ITGB1: variants seen among roughly 807,000 people sequenced by gnomAD.
ITGB1 encodes integrin beta-1.
In ITGB1, 24 loss-of-function variants were observed where a neutral mutation model predicts 86.5. The ratio of observed to expected loss-of-function variants is 0.28; its 90% CI spans 0.20 to 0.39. The LOEUF is 0.39. Among genes scored for constraint, ITGB1 ranks in the 10% least tolerant of loss-of-function variants. The pLI is 1.00. For missense variants in ITGB1, 556 were observed against 946.9 expected, an observed-to-expected ratio of 0.59 and a Z score of 5.42; for synonymous variants, 323 against 316.8, an observed-to-expected ratio of 1.02 and a Z score of -0.21.
intron 15 of ITGB1, among the ~76,000 whole-genome samples, chr10:32,907,963 A>G (rs1051266484): frequency 6.6e-6 from 1 of 152,228 alleles, no homozygotes; most frequent in African/African-American, 2.4e-5. Context: ...AGCTTGGTAT[A>G]TAACCTTTTG....
At chr10:32,952,210 A>C (rs1187070) in intron 1 of ITGB1, among the ~76,000 whole-genome samples, 108,192 of 151,966 alleles carry the variant, frequency 0.71, 40,746 homozygotes, top group South Asian at 0.83. Flanking sequence ...CAGCAAATAT[A>C]TTTCTAGGTG....
chr10:32,911,923 A>G lies in ITGB1; in HGVS notation c.1671T>C (p.Asn557=). ...IYSGKFCECD[N]FNCDRSNGLI... ...AGCCATTGGATCTATCACAGTTGAA[A>G]TTATCACACTCGCAGAATTTGCCAG... The change falls in exon 12 of 16, where the codon AAT becomes AAC. Residue 557 remains asparagine, a synonymous_variant. Transcript: ENST00000302278. 2.5e-6 allele frequency: 4 copies of G among 1,613,896 alleles called. No individual in the cohort carries two copies. The highest frequency in any genetic ancestry group is 3.4e-6 in the Non-Finnish European group (4 of 1,179,946).
chr10:32,934,103 C>A, intron 2 of ITGB1, among the ~76,000 whole-genome samples: 1 of 152,082 alleles, frequency 6.6e-6, no homozygotes. Flanking sequence ...GAATAATTAA[C>A]TACTAAGTTG....
intron 2 of ITGB1, 71 bp downstream of exon 2, chr10:32,935,421 A>G: frequency 2.2e-6 from 2 of 923,228 alleles, no homozygotes; most frequent in Non-Finnish European, 3.6e-6. Context: ...TTCTCATATG[A>G]ACCTAACTGG....
At chr10:32,926,197 G>A in intron 5 of ITGB1, 88 bp from the exon 6 acceptor site, 1 of 988,210 alleles carries the variant, frequency 1.0e-6, no homozygotes, top group Non-Finnish European at 1.6e-6. Context: ...ATTCATCTAT[G>A]TTACCAAATG....
At chr10:32,927,574 C>G (rs2094968955) in intron 5 of ITGB1, among the ~76,000 whole-genome samples, 1 of 152,112 alleles carries the variant, frequency 6.6e-6, no homozygotes, top group African/African-American at 2.4e-5. Context: ...GCTGGATTAC[C>G]TGAGGTCAGG....
At chr10:32,907,660 G>C (rs886718542) in intron 15 of ITGB1, among the ~76,000 whole-genome samples, 8 of 151,910 alleles carry the variant, frequency 5.3e-5, no homozygotes, top group Non-Finnish European at 4.4e-5. Context: ...AGCAACCACT[G>C]ATTTTTGCCC....
At chr10:32,920,178 A>C in intron 10 of ITGB1, 67 bp downstream of exon 10, 1 of 1,572,692 alleles carries the variant, frequency 6.4e-7, no homozygotes, top group Non-Finnish European at 8.7e-7. Flanking sequence ...AATGTTTCTC[A>C]AACTATAAAC....
At chr10:32,958,043 A>C in intron 1 of ITGB1, 102 bp downstream of exon 1, 1 of 143,040 alleles carries the variant, frequency 7.0e-6, no homozygotes, top group Admixed American at 7.1e-5. Context: ...GCCCGGCACA[A>C]AGGTCCCGGC....
At chr10:32,922,602 A>G (rs776351608) in intron 8 of ITGB1, 38 bp downstream of exon 8, 8 of 1,294,498 alleles carry the variant, frequency 6.2e-6, no homozygotes, top group Non-Finnish European at 7.7e-6. Flanking sequence ...ACAATCAAAA[A>G]TGTTTAGAAT....
intron 4 of ITGB1, 76 bp downstream of exon 4, chr10:32,929,745 TG>T: frequency 1.2e-6 from 1 of 822,258 alleles, no homozygotes; most frequent in Non-Finnish European, 2.1e-6. Flanking sequence ...CAACAGAAAC[TG>T]GTCAGAGTTT....
At chr10:32,903,078 G>A (rs1273279525) in intron 15 of ITGB1, among the ~76,000 whole-genome samples, 6 of 152,104 alleles carry the variant, frequency 3.9e-5, no homozygotes, top group African/African-American at 1.4e-4. Context: ...GAGGGCAGGC[G>A]CGGTGGCTCA....
intron 4 of ITGB1, among the ~76,000 whole-genome samples, chr10:32,929,572 T>C (rs968683442): frequency 6.6e-6 from 1 of 152,226 alleles, no homozygotes; most frequent in African/African-American, 2.4e-5. Flanking sequence ...CTAAAGCTAA[T>C]TAATACTTTC....
chr10:32,921,027 C>T (rs966554665), intron 9 of ITGB1, among the ~76,000 whole-genome samples: 2 of 150,778 alleles, frequency 1.3e-5, no homozygotes, highest in Non-Finnish European at 3.0e-5. Flanking sequence ...CAAAAAAAAA[C>T]GAAATAAATG....
chr10:32,935,723 C>T (rs2094999409), intron 1 of ITGB1, among the ~76,000 whole-genome samples, 165 bp from the exon 2 acceptor site: 1 of 152,134 alleles, frequency 6.6e-6, no homozygotes, highest in South Asian at 2.1e-4. Context: ...CATCTCCCCT[C>T]CCTATCTGGT....
chr10:32,919,741 A>T (rs2094942793), intron 11 of ITGB1, 144 bp downstream of exon 11: 1 of 618,514 alleles, frequency 1.6e-6, no homozygotes, highest in South Asian at 2.3e-5. Flanking sequence ...AAGATCATCA[A>T]ACTGATCTTG....
intron 15 of ITGB1, among the ~76,000 whole-genome samples, chr10:32,904,689 CATTT>C (rs35323711): frequency 0.46 from 69,191 of 151,448 alleles, 18,018 homozygotes; most frequent in Non-Finnish European, 0.59. Context: ...GATGCTCATT[CATTT>C]ATTTCAATTG....
At chr10:32,941,937 C>A (rs2095019195) in intron 1 of ITGB1, among the ~76,000 whole-genome samples, 1 of 152,026 alleles carries the variant, frequency 6.6e-6, no homozygotes, top group Non-Finnish European at 1.5e-5. Context: ...AGGGAAGATG[C>A]CTATTGGGAA....
intron 1 of ITGB1, among the ~76,000 whole-genome samples, chr10:32,952,555 ATAATC>A (rs2095044613): frequency 6.6e-6 from 1 of 152,248 alleles, no homozygotes; most frequent in Admixed American, 6.5e-5. Context: ...ATGGAGAAGA[ATAATC>A]TATTGCTAAT....
Sources: allele counts gnomAD v4.1 joint callset (sites outside exome capture counted in the v4.1 genomes callset), GRCh38; gene constraint gnomAD v4.1.1; transcripts MANE v1.5; gene names NCBI Gene and HGNC (gene_info 2026-07-23, HGNC 2026-07-21).